KDM2B: variants seen among roughly 807,000 people sequenced by gnomAD.
KDM2B encodes lysine-specific demethylase 2B.
KDM2B carries 26 observed loss-of-function variants against 150.0 expected under a neutral mutation model. The observed-to-expected ratio is 0.17, with a 90% CI of 0.13 to 0.24. KDM2B has a LOEUF of 0.24. Ranked by LOEUF, KDM2B falls within the 10% of genes least tolerant of loss-of-function variation. KDM2B has a pLI of 1.00. For synonymous variants in KDM2B, 734 were observed against 729.5 expected (o/e 1.01, Z -0.10); for missense variants, 1,265 against 1,816.9 (o/e 0.70, Z 5.52).
At chr12:121,564,609 T>G (rs915661159) in intron 4 of KDM2B, among the ~76,000 whole-genome samples, 3 of 152,098 alleles carry the variant, frequency 2.0e-5, no homozygotes, top group Non-Finnish European at 4.4e-5. Flanking sequence ...TAAGAAGATA[T>G]GCAAGTCTTC....
At chr12:121,409,991 A>G in the KDM2B span, among the ~76,000 whole-genome samples, 1 of 151,984 alleles carries the variant, frequency 6.6e-6, no homozygotes, top group East Asian at 1.9e-4. Context: ...CCCTGCCTCT[A>G]CTAAAAATAC....
rs181442317 is a variant in KDM2B at position 121,567,238 on chromosome 12, A to C, written c.397+7309T>G. 1.9e-4 allele frequency among the ~76,000 whole-genome samples: 29 copies of C among 152,360 alleles called. No individual in the cohort carries two copies. The East Asian group carries it at 3.3e-3, about 17-fold the overall frequency. On this transcript the variant is annotated intron_variant, in intron 4 of 22. Coordinates refer to ENST00000377071, the MANE Select transcript of KDM2B (RefSeq NM_032590.5). ...GACTCACATCCAGAATATATAAAAA[A>C]GTCTTATAGTCTGAATTGTGTCTAC... is the stretch of plus-strand genomic sequence containing the variant.
Position 121,445,265 on chromosome 12 carries a change from G to A in KDM2B, c.2103+10C>T. The A allele has an allele frequency of 1.2e-6, 2 of 1,612,872 alleles. No homozygotes were observed. The highest frequency in any genetic ancestry group is 1.7e-6 in the Non-Finnish European group (2 of 1,179,318). On this transcript the variant is annotated intron_variant, in intron 14 of 22. Coordinates refer to ENST00000377071, the MANE Select transcript of KDM2B (RefSeq NM_032590.5). ...GCGTCAGCACCACCTGTCCCCACTG[G>A]GCCACTCACCTTAAGGCATCCAGGG...
rs1476529050 is a variant in KDM2B at position 121,549,193 on chromosome 12, G to A, written c.577-210C>T. Among the ~76,000 whole-genome samples, 1 of 152,112 alleles carries A rather than the reference G, an allele frequency of 6.6e-6. No individual in the cohort carries two copies. Among genetic ancestry groups the A allele is most frequent in the East Asian group, 1.9e-4 (1 of 5,180 alleles). Reference sequence around the variant, plus strand: ...GAAACAGTCGCTGGGGGTCGGGCACGGTAGCTTATACCTCTAATCTAAGTG... The same window carrying A: ...GAAACAGTCGCTGGGGGTCGGGCACAGTAGCTTATACCTCTAATCTAAGTG... On this transcript the variant is annotated intron_variant, in intron 5 of 22. Transcript: ENST00000377071. The surrounding 1 kb of genome is among the most constrained non-coding windows in gnomAD (Gnocchi z 4.4).
downstream of KDM2B, among the ~76,000 whole-genome samples, chr12:121,425,101 A>G (rs868959095): frequency 2.6e-5 from 4 of 152,136 alleles, no homozygotes; most frequent in South Asian, 4.1e-4. Context: ...CATGAGGTCA[A>G]GAGTTCGAGA....
At chr12:121,479,704 C>T (rs550881100) in intron 12 of KDM2B, among the ~76,000 whole-genome samples, 1 of 152,132 alleles carries the variant, frequency 6.6e-6, no homozygotes, top group African/African-American at 2.4e-5. Context: ...TCACTGCAAC[C>T]TCCGACTCCC....
chr12:121,574,569 G>A lies in KDM2B; in HGVS notation c.375C>T (p.Val125=), dbSNP rs1555316568. The A allele has an allele frequency of 2.5e-6, 4 of 1,613,904 alleles. No individual in the cohort carries two copies. Among genetic ancestry groups the A allele is most frequent in the East Asian group, 2.2e-5 (1 of 44,876 alleles). ...TACCCACTAGGAGTTTGACGTCTCG[G>A]ACTGTGAAATCAGGGTCAGGCATCC... The part of the protein sequence containing the change: ...GIKMPDPDFT[V]RDVKLLVGSR... The change falls in exon 4 of 23, where the codon GTC becomes GTT. Residue 125 remains valine (V), a synonymous_variant. Transcript: ENST00000377071.
At chr12:121,420,816 T>C in the KDM2B span, 4 of 1,509,276 alleles carry the variant, frequency 2.7e-6, no homozygotes, top group Admixed American at 7.0e-5. Context: ...GTAGTATTTT[T>C]CCTTAGGCTT....
chr12:121,480,155 C>T (rs959482618), intron 12 of KDM2B, among the ~76,000 whole-genome samples: 5 of 149,206 alleles, frequency 3.4e-5, no homozygotes, highest in Admixed American at 6.6e-5. Flanking sequence ...TCCAGGGAGG[C>T]GGGCAAGGAG....
At chr12:121,563,044 G>T (rs1347751778) in intron 4 of KDM2B, among the ~76,000 whole-genome samples, 2 of 152,174 alleles carry the variant, frequency 1.3e-5, no homozygotes, top group African/African-American at 4.8e-5. Context: ...GGGCCCTGGT[G>T]CAATGGCTCT....
chr12:121,435,319 A>C (rs1290275766), intron 22 of KDM2B, among the ~76,000 whole-genome samples: 1 of 152,168 alleles, frequency 6.6e-6, no homozygotes, highest in Non-Finnish European at 1.5e-5. Context: ...TATTTTTCTA[A>C]TTTTGGAAGC....
the KDM2B span, among the ~76,000 whole-genome samples, chr12:121,411,909 A>T: frequency 1.3e-5 from 2 of 152,342 alleles, no homozygotes; most frequent in Admixed American, 1.3e-4. Flanking sequence ...AGAGAAGTTT[A>T]TCCTGGGAGT....
intron 12 of KDM2B, among the ~76,000 whole-genome samples, chr12:121,481,581 G>C (rs560031835): frequency 6.6e-6 from 1 of 152,142 alleles, no homozygotes; most frequent in Admixed American, 6.5e-5. Context: ...TAATGTCAAT[G>C]ATCAAATGTC....
the KDM2B span, among the ~76,000 whole-genome samples, chr12:121,414,797 C>T: frequency 3.1e-3 from 471 of 152,238 alleles, 7 homozygotes; most frequent in East Asian, 0.029. Context: ...CTTTGGCCCT[C>T]GCTGAAAGCT....
At chr12:121,524,813 G>T in intron 8 of KDM2B, 1 of 356,030 alleles carries the variant, frequency 2.8e-6, no homozygotes, top group Non-Finnish European at 5.8e-6. Flanking sequence ...ATAAACAGAG[G>T]CTATTCAGGC....
At chr12:121,415,663 G>A in the KDM2B span, among the ~76,000 whole-genome samples, 1 of 151,990 alleles carries the variant, frequency 6.6e-6, no homozygotes, top group African/African-American at 2.4e-5. Context: ...TGTTATTTCT[G>A]TTAAATAATA....
intron 7 of KDM2B, 31 bp downstream of exon 7, chr12:121,534,466 G>T: frequency 6.6e-7 from 1 of 1,507,030 alleles, no homozygotes; most frequent in Non-Finnish European, 9.2e-7. Flanking sequence ...AGCTAGAGAT[G>T]CATAGAAAGT....
At chr12:121,526,592 T>C (rs1392057498) in intron 8 of KDM2B, among the ~76,000 whole-genome samples, 4 of 152,148 alleles carry the variant, frequency 2.6e-5, no homozygotes, top group East Asian at 1.9e-4. Context: ...TGGTGTCACA[T>C]GCCTGTAGTC....
chr12:121,459,573 G>C (rs1415809488), intron 12 of KDM2B, among the ~76,000 whole-genome samples: 1 of 152,212 alleles, frequency 6.6e-6, no homozygotes, highest in African/African-American at 2.4e-5. Context: ...GCTCACGCCT[G>C]TGATCCCAGC....
Sources: gnomAD v4.1 joint callset for allele counts (sites outside exome capture counted in the v4.1 genomes callset) on GRCh38, gnomAD v4.1.1 for gene constraint, Gnocchi (gnomAD v3.1) non-coding constraint, MANE v1.5 for transcripts, NCBI Gene and HGNC (gene_info 2026-07-23, HGNC 2026-07-21) for gene names.